Variants in PCSK2 observed in about 807,000 individuals in gnomAD.
PCSK2 encodes the protein proprotein convertase subtilisin/kexin type 2, also known as neuroendocrine convertase 2.
Under a neutral mutation model 69.7 loss-of-function variants are expected in PCSK2, and 14 were observed. The observed-to-expected ratio is 0.20, with a 90% CI of 0.13 to 0.31. PCSK2 has a LOEUF of 0.31. PCSK2 is among the 10% of genes least tolerant of loss of function. PCSK2 has a pLI of 1.00. For synonymous variants in PCSK2, 307 were observed against 320.7 expected, an observed-to-expected ratio of 0.96 and a Z score of 0.46; for missense variants, 544 against 842.5, an observed-to-expected ratio of 0.65 and a Z score of 4.39.
chr20:17,322,070 C>T (rs866160147), intron 2 of PCSK2, among the ~76,000 whole-genome samples: 2 of 151,914 alleles, frequency 1.3e-5, no homozygotes, highest in Non-Finnish European at 2.9e-5. Flanking sequence ...TAACAGAGTA[C>T]TCATTGATCA....
chr20:17,329,202 A>C (rs1264135579), intron 2 of PCSK2, among the ~76,000 whole-genome samples: 1 of 152,256 alleles, frequency 6.6e-6, no homozygotes, highest in East Asian at 1.9e-4. Context: ...TGTTAAATCC[A>C]AAATTTAATG....
intron 2 of PCSK2, among the ~76,000 whole-genome samples, chr20:17,287,875 T>C (rs960233192): frequency 2.0e-5 from 3 of 152,204 alleles, no homozygotes; most frequent in African/African-American, 7.2e-5. Context: ...CCAGATAGCT[T>C]TACTCTGGTG....
In PCSK2 at chr20:17,257,051, T is replaced by A. The variant is rs149347787; in HGVS notation, c.178-3189T>A. Among the ~76,000 whole-genome samples the A allele has an allele frequency of 3.9e-3, 599 of 152,222 alleles. 4 individuals carry two copies. The highest frequency in any genetic ancestry group is 0.014 in the African/African-American group (567 of 41,528). The stretch of plus-strand genomic sequence containing the variant: ...GGGCATTTGAGTTGGTTCCAAGTCT[T>A]TGCTATTGTGGAACTTAAATAAATT... On this transcript the variant is annotated intron_variant, in intron 1 of 11. Coordinates refer to ENST00000262545, the MANE Select transcript of PCSK2 (RefSeq NM_002594.5).
intron 2 of PCSK2, among the ~76,000 whole-genome samples, chr20:17,288,389 G>A (rs1340884740): frequency 6.6e-6 from 1 of 152,162 alleles, no homozygotes; most frequent in Non-Finnish European, 1.5e-5. Flanking sequence ...GACCAGAGCA[G>A]GTGCAATTCC....
chr20:17,431,407 G>A (rs2032363938), intron 7 of PCSK2, among the ~76,000 whole-genome samples: 1 of 152,222 alleles, frequency 6.6e-6, no homozygotes, highest in Non-Finnish European at 1.5e-5. Context: ...CCAGGGAGCA[G>A]GCCAGAGGAC....
intron 2 of PCSK2, among the ~76,000 whole-genome samples, chr20:17,265,408 G>A (rs186655874): frequency 3.4e-4 from 52 of 152,192 alleles, no homozygotes; most frequent in African/African-American, 1.2e-3. Flanking sequence ...AGGTTGTGAG[G>A]TGCTGCTCTG....
intron 5 of PCSK2, among the ~76,000 whole-genome samples, chr20:17,377,283 G>A (rs374827316): frequency 6.6e-6 from 1 of 152,180 alleles, no homozygotes; most frequent in Non-Finnish European, 1.5e-5. Flanking sequence ...CAACAGAAGT[G>A]ATCATAAGAG....
intron 2 of PCSK2, among the ~76,000 whole-genome samples, chr20:17,298,414 G>T (rs371473343): frequency 1.7e-4 from 26 of 152,280 alleles, no homozygotes; most frequent in African/African-American, 6.3e-4. Context: ...TGGTGGGAAG[G>T]TGGGTGTTTG....
intron 2 of PCSK2, among the ~76,000 whole-genome samples, chr20:17,325,626 T>A (rs1356562217): frequency 2.0e-5 from 3 of 152,200 alleles, no homozygotes; most frequent in Admixed American, 6.5e-5. Context: ...AAAACAACAA[T>A]CATTGGTTAT....
At chr20:17,327,602 C>CA (rs1990098927) in intron 2 of PCSK2, among the ~76,000 whole-genome samples, 2 of 152,198 alleles carry the variant, frequency 1.3e-5, no homozygotes, top group Admixed American at 6.5e-5. Flanking sequence ...TGCTCGCTGC[C>CA]ATGGCAACGC....
At chr20:17,252,852 A>G (rs1474931513) in intron 1 of PCSK2, among the ~76,000 whole-genome samples, 1 of 152,252 alleles carries the variant, frequency 6.6e-6, no homozygotes, top group Non-Finnish European at 1.5e-5. Flanking sequence ...TAAAATGTCA[A>G]TAAACATATG....
chr20:17,361,213 G>A (rs1316266953), intron 4 of PCSK2, among the ~76,000 whole-genome samples: 1 of 152,174 alleles, frequency 6.6e-6, no homozygotes, highest in Admixed American at 6.5e-5. Context: ...TTCAGTAACA[G>A]GATTGGAGCT....
chr20:17,260,768 A>T (rs988962179), intron 2 of PCSK2, among the ~76,000 whole-genome samples: 2 of 152,210 alleles, frequency 1.3e-5, no homozygotes, highest in Non-Finnish European at 2.9e-5. Flanking sequence ...GGAAAGAATG[A>T]GAGAGCCAGT....
At chr20:17,411,273 A>G (rs997708809) in intron 6 of PCSK2, among the ~76,000 whole-genome samples, 2 of 152,190 alleles carry the variant, frequency 1.3e-5, no homozygotes, top group Non-Finnish European at 2.9e-5. Context: ...TCCCTTTCCT[A>G]GCCAAAGGAA....
At chr20:17,478,414 T>A (rs2033330272) in intron 11 of PCSK2, among the ~76,000 whole-genome samples, 1 of 152,186 alleles carries the variant, frequency 6.6e-6, no homozygotes, top group Admixed American at 6.5e-5. Flanking sequence ...TCATATACTG[T>A]TCATCATATA....
chr20:17,420,102 A>G (rs1600566015), intron 6 of PCSK2, among the ~76,000 whole-genome samples: 1 of 152,220 alleles, frequency 6.6e-6, no homozygotes, highest in African/African-American at 2.4e-5. Flanking sequence ...TTAAACCTTC[A>G]AATAAGAAAG....
intron 2 of PCSK2, among the ~76,000 whole-genome samples, chr20:17,339,190 A>C (rs987216506): frequency 3.9e-5 from 6 of 152,206 alleles, no homozygotes; most frequent in Non-Finnish European, 7.3e-5. Context: ...CAGCTTTTTA[A>C]AATGCTGACG....
intron 5 of PCSK2, among the ~76,000 whole-genome samples, chr20:17,393,435 AATGTAAG>A (rs1193891444): frequency 6.6e-6 from 1 of 151,362 alleles, no homozygotes; most frequent in Non-Finnish European, 1.5e-5. Flanking sequence ...GTGCATTTAT[AATGTAAG>A]ATTATGCTCC....
intron 11 of PCSK2, among the ~76,000 whole-genome samples, chr20:17,480,747 G>A (rs1482130800): frequency 6.6e-6 from 1 of 152,176 alleles, no homozygotes; most frequent in African/African-American, 2.4e-5. Flanking sequence ...AGTTGCCACC[G>A]TGGGCAGCTG....
Sources: allele counts gnomAD v4.1 joint callset (sites outside exome capture counted in the v4.1 genomes callset), GRCh38; gene constraint gnomAD v4.1.1; transcripts MANE v1.5; gene names NCBI Gene and HGNC (gene_info 2026-07-23, HGNC 2026-07-21).